The following CNTN5 variants were observed in gnomAD, a reference collection of about 807,000 sequenced individuals.
The protein encoded by CNTN5 is contactin-5.
Under a neutral mutation model 129.1 loss-of-function variants are expected in CNTN5, and 77 were observed. The observed-to-expected ratio is 0.60, with a 90% CI of 0.50 to 0.72. The LOEUF (loss-of-function observed/expected upper bound fraction) is 0.72, where lower values mean the gene tolerates loss of function less well. Among genes scored for constraint, CNTN5 ranks in the 30% least tolerant of loss-of-function variants. CNTN5 has a pLI of 0.00. For synonymous variants in CNTN5, 509 were observed against 465.6 expected (o/e 1.09, Z -1.20); for missense variants, 1,478 against 1,328.8 (o/e 1.11, Z -1.75).
At chr11:99,496,818 T>C (rs1946243854) in intron 2 of CNTN5, among the ~76,000 whole-genome samples, 2 of 152,182 alleles carry the variant, frequency 1.3e-5, no homozygotes, top group Non-Finnish European at 2.9e-5. Flanking sequence ...TAAATAACTA[T>C]GGATTTTCAT....
intron 3 of CNTN5, among the ~76,000 whole-genome samples, chr11:99,592,848 A>G (rs1950020008): frequency 1.3e-5 from 2 of 152,166 alleles, no homozygotes; most frequent in Admixed American, 1.3e-4. Flanking sequence ...TAGTCTGAGT[A>G]AGAAATGATG....
intron 21 of CNTN5, among the ~76,000 whole-genome samples, chr11:100,320,937 G>A (rs568687463): frequency 2.2e-4 from 34 of 152,156 alleles, no homozygotes; most frequent in Middle Eastern, 3.4e-3. Context: ...TATACCAATA[G>A]CATGCTGTTT....
At chr11:100,260,531 C>T (rs1329618620) in intron 17 of CNTN5, among the ~76,000 whole-genome samples, 2 of 152,012 alleles carry the variant, frequency 1.3e-5, no homozygotes, top group African/African-American at 4.8e-5. Flanking sequence ...GTGAATATCA[C>T]TGGGAGAATC....
At chr11:100,193,388 T>A in intron 14 of CNTN5, 100 bp from the exon 15 acceptor site, 1 of 722,768 alleles carries the variant, frequency 1.4e-6, no homozygotes, top group Admixed American at 3.5e-5. Context: ...AGCAACTGTA[T>A]TGTATAGATT....
chr11:99,467,223 T>C (rs999226876), intron 2 of CNTN5, among the ~76,000 whole-genome samples: 3 of 152,038 alleles, frequency 2.0e-5, no homozygotes, highest in Admixed American at 6.6e-5. Flanking sequence ...AAATGATTTT[T>C]GTTCTATATT....
At chr11:100,211,645 T>C (rs185650765) in intron 15 of CNTN5, among the ~76,000 whole-genome samples, 5 of 152,336 alleles carry the variant, frequency 3.3e-5, no homozygotes, top group Middle Eastern at 3.4e-3. Flanking sequence ...TGGATCATGT[T>C]AGCCATACAA....
intron 21 of CNTN5, among the ~76,000 whole-genome samples, chr11:100,320,033 C>G (rs564684883): frequency 1.1e-4 from 17 of 152,074 alleles, no homozygotes; most frequent in Non-Finnish European, 1.3e-4. Flanking sequence ...GTGCAGATGT[C>G]TTTTTGACAT....
chr11:99,270,703 C>T (rs1344912191), intron 1 of CNTN5, among the ~76,000 whole-genome samples: 1 of 151,886 alleles, frequency 6.6e-6, no homozygotes, highest in Non-Finnish European at 1.5e-5. Flanking sequence ...AAACTCTCTG[C>T]CAGCCTTCCT....
intron 1 of CNTN5, among the ~76,000 whole-genome samples, chr11:99,094,560 G>C (rs184430852): frequency 8.5e-5 from 13 of 152,050 alleles, no homozygotes; most frequent in Admixed American, 3.3e-4. Context: ...TATCTTAAAA[G>C]ATAAGACAGC....
At chr11:100,113,357 A>G (rs926999177) in intron 13 of CNTN5, among the ~76,000 whole-genome samples, 5 of 147,204 alleles carry the variant, frequency 3.4e-5, no homozygotes, top group African/African-American at 1.2e-4. Flanking sequence ...ACTAAAGTTG[A>G]ATCTTCAAGG....
intron 2 of CNTN5, among the ~76,000 whole-genome samples, chr11:99,492,588 T>A (rs1946078486): frequency 2.0e-5 from 3 of 152,138 alleles, no homozygotes; most frequent in Admixed American, 2.0e-4. Context: ...AAAATTTGGT[T>A]TGGTTCTGTA....
In CNTN5 at chr11:99,193,026, T is replaced by C. The variant is rs534514068; in HGVS notation, c.-209-132320T>C. On this transcript the variant is annotated intron_variant, in intron 1 of 24. Transcript: ENST00000524871. ...AATCTCATTATGAAGGTTCAAGATC[T>C]ATTCAAAGCTAAGTAGAGCTTCTTG... Among the ~76,000 whole-genome samples, 129 of 152,280 alleles carry C rather than the reference T, an allele frequency of 8.5e-4. No individual in the cohort carries two copies. The Middle Eastern group carries it at 0.02, about 24-fold the overall frequency.
At chr11:99,860,270 T>C (rs1420447863) in intron 6 of CNTN5, among the ~76,000 whole-genome samples, 3 of 152,150 alleles carry the variant, frequency 2.0e-5, no homozygotes, top group African/African-American at 4.8e-5. Context: ...TTCTACTCTT[T>C]TGACAGTTTC....
chr11:99,279,981 C>A (rs1216840741), intron 1 of CNTN5, among the ~76,000 whole-genome samples: 1 of 150,888 alleles, frequency 6.6e-6, no homozygotes, highest in Non-Finnish European at 1.5e-5. Context: ...TATATCTGTT[C>A]TTTACAATCG....
chr11:100,292,089 T>C (rs1950996307), intron 18 of CNTN5, among the ~76,000 whole-genome samples: 1 of 152,024 alleles, frequency 6.6e-6, no homozygotes, highest in Admixed American at 6.6e-5. Context: ...CTCTCATTCC[T>C]TCCCAGCACA....
At chr11:100,300,280 A>T (rs930817711) in intron 20 of CNTN5, among the ~76,000 whole-genome samples, 2 of 151,492 alleles carry the variant, frequency 1.3e-5, no homozygotes, top group African/African-American at 4.8e-5. Context: ...TAATAGATCT[A>T]GCCCCCTAAA....
At chr11:99,070,269 C>CCTTT (rs1372291296) in intron 1 of CNTN5, among the ~76,000 whole-genome samples, 2 of 152,086 alleles carry the variant, frequency 1.3e-5, no homozygotes, top group Non-Finnish European at 2.9e-5. Context: ...CAGGTCTCAC[C>CCTTT]CTTTCTTCCC....
intron 3 of CNTN5, among the ~76,000 whole-genome samples, chr11:99,768,120 A>T (rs1056191854): frequency 6.6e-6 from 1 of 152,068 alleles, no homozygotes; most frequent in Non-Finnish European, 1.5e-5. Flanking sequence ...TAAAATATCT[A>T]CCATCTGTCC....
At chr11:100,282,842 A>T (rs1950668811) in intron 18 of CNTN5, among the ~76,000 whole-genome samples, 1 of 152,222 alleles carries the variant, frequency 6.6e-6, no homozygotes, top group African/African-American at 2.4e-5. Context: ...CCAAAGGCAG[A>T]GGAGCCTCAC....
Sources: allele counts gnomAD v4.1 joint callset (sites outside exome capture counted in the v4.1 genomes callset), GRCh38; gene constraint gnomAD v4.1.1; transcripts MANE v1.5; gene names NCBI Gene and HGNC (gene_info 2026-07-23, HGNC 2026-07-21).